Variants in CLSTN2 observed in about 807,000 individuals in gnomAD.
The protein encoded by CLSTN2 is calsyntenin-2.
CLSTN2 carries 48 observed loss-of-function variants against 101.2 expected under a neutral mutation model. The ratio of observed to expected loss-of-function variants is 0.47; its 90% CI spans 0.38 to 0.60. The LOEUF is 0.60. Among genes scored for constraint, CLSTN2 ranks in the 20% least tolerant of loss-of-function variants. The pLI, the probability that CLSTN2 is intolerant of heterozygous loss-of-function variation, is 0.00. For missense variants in CLSTN2, 1,160 were observed against 1,238.2 expected (o/e 0.94, Z 0.95); for synonymous variants, 481 against 463.6 (o/e 1.04, Z -0.48).
chr3:140,210,343 C>T (rs1022042368), intron 2 of CLSTN2, among the ~76,000 whole-genome samples: 9 of 152,318 alleles, frequency 5.9e-5, no homozygotes, highest in East Asian at 1.9e-4. Flanking sequence ...GAAGCAGAGA[C>T]ACAGTGTTCA....
chr3:140,040,972 A>G (rs1206818033), intron 1 of CLSTN2, among the ~76,000 whole-genome samples: 1 of 152,150 alleles, frequency 6.6e-6, no homozygotes, highest in African/African-American at 2.4e-5. Context: ...TGCCGATGGC[A>G]GTGATAAATG....
intron 1 of CLSTN2, among the ~76,000 whole-genome samples, chr3:139,980,152 A>G (rs35226034): frequency 0.025 from 3,839 of 152,108 alleles, 103 homozygotes; most frequent in Non-Finnish European, 0.038. Flanking sequence ...CTAGGCCCCC[A>G]GTCTGAAAAT....
At chr3:140,336,870 T>A (rs990400944) in intron 2 of CLSTN2, among the ~76,000 whole-genome samples, 1 of 152,174 alleles carries the variant, frequency 6.6e-6, no homozygotes, top group Non-Finnish European at 1.5e-5. Flanking sequence ...GCGTCACAGC[T>A]TCACAGGTGA....
intron 9 of CLSTN2, among the ~76,000 whole-genome samples, chr3:140,534,878 C>G (rs1266949194): frequency 6.6e-6 from 1 of 152,192 alleles, no homozygotes; most frequent in Non-Finnish European, 1.5e-5. Context: ...CTCTCTTTCC[C>G]ACGTAGAAAA....
intron 1 of CLSTN2, among the ~76,000 whole-genome samples, chr3:140,155,111 G>T (rs2009934132): frequency 6.6e-6 from 1 of 152,142 alleles, no homozygotes; most frequent in South Asian, 2.1e-4. Flanking sequence ...GAAATTGCCA[G>T]GACCTGCTTC....
At chr3:140,450,167 C>T (rs1329137058) in intron 6 of CLSTN2, 1 of 152,120 alleles carries the variant, frequency 6.6e-6, no homozygotes, top group Non-Finnish European at 1.5e-5. Context: ...GTCACCCATC[C>T]CATTTTAGAG....
At chr3:140,153,571 G>A (rs182720464) in intron 1 of CLSTN2, among the ~76,000 whole-genome samples, 3 of 152,362 alleles carry the variant, frequency 2.0e-5, no homozygotes, top group Non-Finnish European at 4.4e-5. Context: ...ACGGGGTGGT[G>A]AAGTGTTGTT....
At chr3:140,563,260 TTATC>T (rs1935954874) in intron 15 of CLSTN2, 57 bp downstream of exon 15, 22 of 1,579,982 alleles carry the variant, frequency 1.4e-5, no homozygotes, top group Non-Finnish European at 1.9e-5. Context: ...TGACTCAAGA[TTATC>T]TACTCAACAG....
At chr3:140,534,617 T>G (rs1346793861) in intron 9 of CLSTN2, among the ~76,000 whole-genome samples, 1 of 152,246 alleles carries the variant, frequency 6.6e-6, no homozygotes, top group Non-Finnish European at 1.5e-5. Flanking sequence ...CCACATTGCA[T>G]GGCTGGATAT....
chr3:140,305,836 A>T (rs2087109411), intron 2 of CLSTN2, among the ~76,000 whole-genome samples: 1 of 152,100 alleles, frequency 6.6e-6, no homozygotes. Context: ...TTCAAAGTGC[A>T]CAAAATGAAG....
chr3:140,391,512 G>A (rs1007509780), intron 2 of CLSTN2, among the ~76,000 whole-genome samples: 2 of 152,090 alleles, frequency 1.3e-5, no homozygotes, highest in Non-Finnish European at 2.9e-5. Context: ...ATTTAAACAT[G>A]TGCAGTACAT....
At chr3:139,994,006 A>G (rs1027179879) in intron 1 of CLSTN2, among the ~76,000 whole-genome samples, 54 of 152,144 alleles carry the variant, frequency 3.5e-4, no homozygotes, top group African/African-American at 1.1e-3. Flanking sequence ...AACCCCTAGG[A>G]TGAGTGTGAT....
At chr3:140,076,445 G>C (rs1000983483) in intron 1 of CLSTN2, among the ~76,000 whole-genome samples, 1 of 151,970 alleles carries the variant, frequency 6.6e-6, no homozygotes, top group Non-Finnish European at 1.5e-5. Context: ...AAGCAACAGT[G>C]CTCCTATAGT....
At chr3:140,477,490 A>G (rs952063566) in intron 8 of CLSTN2, among the ~76,000 whole-genome samples, 3 of 152,216 alleles carry the variant, frequency 2.0e-5, no homozygotes, top group African/African-American at 7.2e-5. Flanking sequence ...CATGTGAGGG[A>G]AAAAAGGGAA....
intron 1 of CLSTN2, among the ~76,000 whole-genome samples, chr3:140,006,599 T>C (rs188538247): frequency 6.6e-6 from 1 of 152,324 alleles, no homozygotes; most frequent in Non-Finnish European, 1.5e-5. Context: ...AGCACGCTGG[T>C]ATTTCCTAGT....
intron 2 of CLSTN2, among the ~76,000 whole-genome samples, chr3:140,300,721 A>G (rs2087050073): frequency 6.6e-6 from 1 of 152,158 alleles, no homozygotes; most frequent in Admixed American, 6.5e-5. Context: ...ACTCTTAAAA[A>G]TTATTACTGA....
chr3:140,107,193 C>T (rs2009074260), intron 1 of CLSTN2, among the ~76,000 whole-genome samples: 1 of 152,198 alleles, frequency 6.6e-6, no homozygotes, highest in African/African-American at 2.4e-5. Context: ...TTGACATCTG[C>T]TTGGGAGCCT....
At chr3:140,458,026 C>T (rs886365560) in intron 6 of CLSTN2, among the ~76,000 whole-genome samples, 1 of 152,200 alleles carries the variant, frequency 6.6e-6, no homozygotes, top group Non-Finnish European at 1.5e-5. Flanking sequence ...CCTTCTATTG[C>T]TACCCAATGG....
chr3:140,539,542 T>G (rs1935427029), intron 9 of CLSTN2, among the ~76,000 whole-genome samples: 1 of 152,198 alleles, frequency 6.6e-6, no homozygotes, highest in South Asian at 2.1e-4. Flanking sequence ...CAGTATCGTC[T>G]CTGAGATACT....
Sources: allele counts gnomAD v4.1 joint callset (sites outside exome capture counted in the v4.1 genomes callset), GRCh38; gene constraint gnomAD v4.1.1; transcripts MANE v1.5; gene names NCBI Gene and HGNC (gene_info 2026-07-23, HGNC 2026-07-21).